The following FBP1 variants were observed in gnomAD, a reference collection of about 807,000 sequenced individuals.
The protein encoded by FBP1 is fructose-1,6-bisphosphatase 1.
In FBP1, 22 loss-of-function variants were observed where a neutral mutation model predicts 29.9. The ratio of observed to expected loss-of-function variants is 0.74; its 90% confidence interval spans 0.53 to 1.05. The LOEUF is 1.05. FBP1 is among the 50% of genes least tolerant of loss of function. The pLI, the probability that FBP1 is intolerant of heterozygous loss-of-function variation, is 0.00. For missense variants in FBP1, 345 were observed against 448.2 expected (o/e 0.77, Z 2.08); for synonymous variants, 175 against 178.6 (o/e 0.98, Z 0.16).
At position 94,639,417 on chromosome 9, in the gene FBP1, G is replaced by T; in HGVS notation, c.-107C>A. 7.6e-7 allele frequency: 1 copy of T among 1,316,794 alleles called. No individual in the cohort carries two copies. Among genetic ancestry groups the T allele is most frequent in the Non-Finnish European group, 1.1e-6 (1 of 939,332 alleles). The allele number at this position is 1,316,794 out of a possible 1,614,324, so 81.6% of individuals were successfully genotyped here. ...AGGCACTGGCCGCAGGTGCGGAGCT[G>T]CAGGTGCGGGCGGCAGGTGCGGGCC... On this transcript the variant is annotated 5_prime_UTR_variant, in exon 1 of 7. Coordinates refer to ENST00000375326, the MANE Select transcript of FBP1 (RefSeq NM_000507.4).
chr9:94,639,164 C>A lies in FBP1; in HGVS notation c.147G>T (p.Val49=). The change falls in exon 1 of 7, where the codon GTG becomes GTT. Residue 49 remains valine, a synonymous_variant. Transcript: ENST00000375326. ...CTAVKAISSA[V]RKAGIAHLYG... The stretch of plus-strand genomic sequence containing the variant: ...ACAGGTGCGCGATGCCCGCCTTGCG[C>A]ACCGCCGAAGAGATGGCTTTGACTG... The A allele has an allele frequency of 6.2e-7, 1 of 1,603,952 alleles. No individual in the cohort carries two copies. The highest frequency in any genetic ancestry group is 8.5e-7 in the Non-Finnish European group (1 of 1,175,644).
rs574076940 is a variant in FBP1 at position 94,624,385 on chromosome 9, G to A, written c.171-3894C>T. ...AGGAGGAAATGGGCCAGGCACGGTG[G>A]CTCACGCCTGTAATCCCAGCACTTT... On this transcript the variant is annotated intron_variant, in intron 1 of 6. Transcript: ENST00000375326. 1.1e-3 allele frequency among the ~76,000 whole-genome samples: 159 copies of A among 148,572 alleles called. No individual in the cohort carries two copies. The Middle Eastern group carries it at 0.015, about 14-fold the overall frequency.
In FBP1 at chr9:94,619,874, C is replaced by CA. The variant is rs56722632; in HGVS notation, c.333+454dup. ...GGGCAACAAGAGCAAAACACTGTCT[C>CA]AAAAAAAAAAAAAAAAAAAAAAAAA... On this transcript the variant is annotated intron_variant, in intron 2 of 6. Coordinates refer to ENST00000375326, the MANE Select transcript of FBP1 (RefSeq NM_000507.4). Among the ~76,000 whole-genome samples the CA allele has an allele frequency of 2.1e-3, 212 of 99,128 alleles. 8 individuals are homozygous for CA. The highest frequency in any genetic ancestry group is 2.5e-3 in the Non-Finnish European group (141 of 55,608). The allele number at this position is 99,128 out of a possible 152,430, so 65.0% of individuals were successfully genotyped here. A position where few individuals can be genotyped will look rare whatever the true frequency, so the allele number is the denominator to read the frequency against.
At chr9:94,612,549 ATTTTTTT>A (rs561246840) in intron 3 of FBP1, among the ~76,000 whole-genome samples, 9 of 108,032 alleles carry the variant, frequency 8.3e-5, no homozygotes, top group Admixed American at 2.5e-4. Flanking sequence ...CCAGCCCCCA[ATTTTTTT>A]TTTTTTTTTT....
rs1827635662 is a variant in FBP1, at chr9:94,603,157, A to G, written c.*224T>C. On this transcript the variant is annotated 3_prime_UTR_variant, in exon 7 of 7. Transcript: ENST00000375326. ...CTTTTTTTTAAGGAGGAATAAGTTT[A>G]TTTCTCCTCCATCCACTCAAAATAT... The G allele has an allele frequency of 5.2e-6, 3 of 576,976 alleles. No individual in the cohort carries two copies. In the Admixed American group the frequency reaches 9.1e-5, roughly 17 times the overall value. 35.7% of individuals were successfully genotyped at this position (576,976 alleles called of 1,614,324 possible). A position where few individuals can be genotyped will look rare whatever the true frequency, so the allele number is the denominator to read the frequency against.
intron 6 of FBP1, among the ~76,000 whole-genome samples, chr9:94,604,380 G>C (rs1397746753): frequency 6.6e-6 from 1 of 151,724 alleles, no homozygotes; most frequent in Non-Finnish European, 1.5e-5. Context: ...TCAGTAAATA[G>C]AAATGCCTTC....
At chr9:94,634,076 C>T (rs1317712006) in intron 1 of FBP1, among the ~76,000 whole-genome samples, 2 of 150,680 alleles carry the variant, frequency 1.3e-5, no homozygotes, top group African/African-American at 4.9e-5. Flanking sequence ...GGCAGATCAC[C>T]TGAGGTCAGG....
chr9:94,621,830 C>A (rs1012213029), intron 1 of FBP1, among the ~76,000 whole-genome samples: 1 of 152,008 alleles, frequency 6.6e-6, no homozygotes, highest in Non-Finnish European at 1.5e-5. Flanking sequence ...GCCTGAGTTG[C>A]GAGCCAAGCC....
intron 1 of FBP1, among the ~76,000 whole-genome samples, chr9:94,627,846 A>T (rs1450122097): frequency 1.3e-5 from 2 of 152,214 alleles, no homozygotes; most frequent in East Asian, 3.9e-4. Flanking sequence ...TCCCCAGGCC[A>T]ACTGTGCCTT....
At chr9:94,615,362 G>A (rs1208737407) in intron 3 of FBP1, among the ~76,000 whole-genome samples, 1 of 151,896 alleles carries the variant, frequency 6.6e-6, no homozygotes, top group African/African-American at 2.4e-5. Flanking sequence ...CAATTTCCCA[G>A]GTTTTTTTTC....
At chr9:94,621,821 C>T (rs1827954733) in intron 1 of FBP1, among the ~76,000 whole-genome samples, 2 of 152,074 alleles carry the variant, frequency 1.3e-5, no homozygotes, top group South Asian at 4.2e-4. Context: ...TCGGGGGTAG[C>T]CTGAGTTGCG....
At chr9:94,613,804 G>A (rs1157571657) in intron 3 of FBP1, among the ~76,000 whole-genome samples, 3 of 150,230 alleles carry the variant, frequency 2.0e-5, no homozygotes, top group South Asian at 2.1e-4. Context: ...AAGGCCGGAC[G>A]CAGTGGCTCA....
chr9:94,618,411 A>G (rs2131487175), intron 2 of FBP1, among the ~76,000 whole-genome samples: 1 of 138,048 alleles, frequency 7.2e-6, no homozygotes, highest in Admixed American at 8.0e-5. Flanking sequence ...GCTTGAGCCC[A>G]GGAGTTTGAG....
chr9:94,623,510 T>A (rs1305297397), intron 1 of FBP1, among the ~76,000 whole-genome samples: 1 of 152,140 alleles, frequency 6.6e-6, no homozygotes, highest in Admixed American at 6.5e-5. Context: ...CACTAATAGG[T>A]GCAGCCTGAC....
intron 3 of FBP1, among the ~76,000 whole-genome samples, chr9:94,614,218 G>A (rs1461446715): frequency 7.3e-6 from 1 of 137,436 alleles, no homozygotes; most frequent in Non-Finnish European, 1.6e-5. Flanking sequence ...GGAGAAGGGG[G>A]AGGGACAGGG....
intron 1 of FBP1, among the ~76,000 whole-genome samples, chr9:94,638,780 T>C (rs1828236194): frequency 1.3e-5 from 2 of 152,178 alleles, no homozygotes; most frequent in African/African-American, 2.4e-5. Context: ...CACTTTCCTG[T>C]CTGAGGCTAG....
chr9:94,622,213 C>G (rs940559977), intron 1 of FBP1, among the ~76,000 whole-genome samples: 1 of 152,208 alleles, frequency 6.6e-6, no homozygotes, highest in Admixed American at 6.5e-5. Flanking sequence ...CTTACAGAAG[C>G]GGCAGGTTGT....
chr9:94,609,848 C>T (rs1563980176), intron 4 of FBP1, 73 bp downstream of exon 4: 1 of 1,542,910 alleles, frequency 6.5e-7, no homozygotes, highest in Non-Finnish European at 9.0e-7. Flanking sequence ...ATACCCCTGC[C>T]AATCCCCCAC....
At chr9:94,604,766 G>A (rs943615395) in intron 6 of FBP1, among the ~76,000 whole-genome samples, 1 of 152,098 alleles carries the variant, frequency 6.6e-6, no homozygotes, top group African/African-American at 2.4e-5. Flanking sequence ...CCTGGGCGAC[G>A]AGTAAGACTC....
Sources: gnomAD v4.1 joint callset for allele counts (sites outside exome capture counted in the v4.1 genomes callset) on GRCh38, gnomAD v4.1.1 for gene constraint, MANE v1.5 for transcripts, NCBI Gene and HGNC (gene_info 2026-07-23, HGNC 2026-07-21) for gene names.